The following TENM1 variants were observed in gnomAD, a reference collection of about 807,000 sequenced individuals.
TENM1 encodes the protein teneurin transmembrane protein 1.
Under a neutral mutation model 174.8 loss-of-function variants are expected in TENM1, and 35 were observed. The ratio of observed to expected loss-of-function variants is 0.20; its 90% confidence interval spans 0.15 to 0.27. TENM1 has a LOEUF of 0.27. Among genes scored for constraint, TENM1 ranks in the 10% least tolerant of loss-of-function variants. The pLI, the probability that TENM1 is intolerant of heterozygous loss-of-function variation, is 1.00. For synonymous variants in TENM1, 781 were observed against 798.7 expected, an observed-to-expected ratio of 0.98 and a Z score of 0.37; for missense variants, 1,633 against 2,130.1, an observed-to-expected ratio of 0.77 and a Z score of 4.59.
intron 3 of TENM1, among the ~76,000 whole-genome samples, chrX:124,892,505 C>T (rs1188106417): frequency 8.9e-6 from 1 of 111,908 alleles, no homozygotes; most frequent in African/African-American, 3.2e-5. Flanking sequence ...GAAACAAGTC[C>T]TTATAAACAT....
At chrX:124,578,579 T>C (rs1323671951) in intron 11 of TENM1, among the ~76,000 whole-genome samples, 1 of 112,079 alleles carries the variant, frequency 8.9e-6, no homozygotes, top group Admixed American at 9.5e-5. Flanking sequence ...AGTGCTTACA[T>C]ATATTACATA....
At chrX:124,720,535 C>A (rs1392547805) in intron 4 of TENM1, among the ~76,000 whole-genome samples, 1 of 111,680 alleles carries the variant, frequency 9.0e-6, no homozygotes, top group African/African-American at 3.3e-5. Flanking sequence ...TAAAAGCAAG[C>A]TGCACCCCAA....
the TENM1 span, among the ~76,000 whole-genome samples, chrX:124,987,038 C>T: frequency 1.8e-5 from 2 of 111,839 alleles, no homozygotes; most frequent in South Asian, 3.8e-4. Flanking sequence ...CATCCTTCAC[C>T]TATCCCTGGG....
At chrX:124,654,386 G>T in intron 6 of TENM1, among the ~76,000 whole-genome samples, 1 of 112,390 alleles carries the variant, frequency 8.9e-6, no homozygotes, top group Admixed American at 9.4e-5. Context: ...TTATTCGTCG[G>T]TATATTCCCA....
At chrX:124,918,469 C>T (rs937774468) in intron 1 of TENM1, among the ~76,000 whole-genome samples, 19 of 109,530 alleles carry the variant, frequency 1.7e-4, no homozygotes, top group African/African-American at 4.3e-4. Flanking sequence ...CTTGAGCCAT[C>T]GCGCCCAGCC....
At chrX:125,165,614 C>T in the TENM1 span, among the ~76,000 whole-genome samples, 430 of 111,985 alleles carry the variant, frequency 3.8e-3, 2 homozygotes, top group African/African-American at 0.013. Context: ...TTCTGCTCAA[C>T]TTCTGAAAGC....
At chrX:125,094,346 T>C in the TENM1 span, among the ~76,000 whole-genome samples, 4 of 112,228 alleles carry the variant, frequency 3.6e-5, no homozygotes, top group African/African-American at 1.3e-4. Context: ...CCATGGTACA[T>C]GTATTTCTGT....
At chrX:124,885,091 A>T (rs146444615) in intron 3 of TENM1, among the ~76,000 whole-genome samples, 1,492 of 111,741 alleles carry the variant, frequency 0.013, 34 homozygotes, top group African/African-American at 0.046. Flanking sequence ...GTATTATTAT[A>T]TTATGGGACC....
chrX:125,141,583 G>A, the TENM1 span, among the ~76,000 whole-genome samples: 1 of 111,256 alleles, frequency 9.0e-6, no homozygotes, highest in African/African-American at 3.3e-5. Context: ...TCTTAAGACT[G>A]TGCAACAGTG....
rs189904943 is a variant in TENM1 at position 124,895,058 on chromosome X, T to C, written c.479-706A>G. On this transcript the variant is annotated intron_variant, in intron 2 of 31. Coordinates refer to ENST00000422452, the Ensembl canonical transcript of TENM1. ...GTGATATTCTAACTAGTAGGCAACC[T>C]CTAATTCCTGATTATATGGCCAGTA... 4.6e-3 allele frequency among the ~76,000 whole-genome samples: 518 copies of C among 111,640 alleles called. 2 individuals carry two copies. The highest frequency in any genetic ancestry group is 0.016 in the African/African-American group (493 of 30,745).
intron 3 of TENM1, among the ~76,000 whole-genome samples, chrX:124,882,912 C>A: frequency 8.9e-6 from 1 of 112,120 alleles, no homozygotes; most frequent in East Asian, 2.8e-4. Flanking sequence ...TTGTTTGTGT[C>A]ATCTCTGATT....
the TENM1 span, among the ~76,000 whole-genome samples, chrX:125,009,508 G>C: frequency 1.8e-5 from 2 of 111,450 alleles, no homozygotes; most frequent in Admixed American, 9.5e-5. Context: ...TTGAAAAGGA[G>C]AGACACCTCC....
intron 3 of TENM1, 119 bp from the exon 7 acceptor site, chrX:124,737,316 G>T: frequency 1.3e-6 from 1 of 784,259 alleles, no homozygotes; most frequent in Non-Finnish European, 1.7e-6. Context: ...GGTGAGGGAG[G>T]TTGTTTTAAG....
chrX:125,050,334 C>T, the TENM1 span, among the ~76,000 whole-genome samples: 1 of 108,709 alleles, frequency 9.2e-6, no homozygotes, highest in East Asian at 3.0e-4. Context: ...ACAACAGGCT[C>T]CGGTGTGTGA....
intron 3 of TENM1, among the ~76,000 whole-genome samples, chrX:124,890,944 C>T (rs1442451584): frequency 8.9e-6 from 1 of 111,736 alleles, no homozygotes; most frequent in Admixed American, 9.5e-5. Context: ...AGTACATATA[C>T]ATAATATAAT....
the TENM1 span, among the ~76,000 whole-genome samples, chrX:125,106,117 T>C: frequency 4.5e-5 from 5 of 111,948 alleles, no homozygotes; most frequent in East Asian, 1.4e-3. Flanking sequence ...TCAGCTCAAA[T>C]GTTACCTCCT....
chrX:124,418,990 G>A (rs758656543), intron 25 of TENM1, among the ~76,000 whole-genome samples: 3 of 111,383 alleles, frequency 2.7e-5, no homozygotes, highest in Non-Finnish European at 5.7e-5. Context: ...GCATACTTAG[G>A]GGCACCTATC....
intron 1 of TENM1, among the ~76,000 whole-genome samples, chrX:124,910,493 G>C (rs1450607993): frequency 8.9e-6 from 1 of 112,159 alleles, no homozygotes; most frequent in African/African-American, 3.2e-5. Context: ...GCCTGGAACA[G>C]TTGACTCCAT....
intron 23 of TENM1, among the ~76,000 whole-genome samples, chrX:124,445,671 A>G (rs1042382699): frequency 1.9e-4 from 21 of 112,342 alleles, no homozygotes; most frequent in African/African-American, 6.8e-4. Flanking sequence ...CCTTATGGGC[A>G]GTAGGTCAAC....
Sources: allele counts gnomAD v4.1 joint callset (sites outside exome capture counted in the v4.1 genomes callset), GRCh38; gene constraint gnomAD v4.1.1; transcripts MANE v1.5; gene names NCBI Gene and HGNC (gene_info 2026-07-23, HGNC 2026-07-21).